Variants in NIPSNAP1 observed in about 807,000 individuals in gnomAD.
NIPSNAP1 encodes the protein nipsnap homolog 1, also known as protein NipSnap homolog 1.
A neutral mutation model predicts 49.2 loss-of-function variants in NIPSNAP1; 25 were observed. The ratio of observed to expected loss-of-function variants is 0.51; its 90% CI spans 0.37 to 0.71. NIPSNAP1 has a LOEUF of 0.71. Among genes scored for constraint, NIPSNAP1 ranks in the 30% least tolerant of loss-of-function variants. The pLI, the probability that NIPSNAP1 is intolerant of heterozygous loss-of-function variation, is 0.00. For missense variants in NIPSNAP1, 294 were observed against 361.0 expected (o/e 0.81, Z 1.50); for synonymous variants, 143 against 140.7 (o/e 1.02, Z -0.12).
At chr22:29,556,818 C>T (rs1042803815) in intron 9 of NIPSNAP1, among the ~76,000 whole-genome samples, 9 of 151,868 alleles carry the variant, frequency 5.9e-5, no homozygotes, top group Non-Finnish European at 1.2e-4. Flanking sequence ...GGCACTATCT[C>T]GGCTCACTGC....
rs532149219 is a variant in NIPSNAP1 at position 29,577,456 on chromosome 22, G to T, written c.98+3529C>A. ...TTTCTTGAGACGAAGTCTCGCTCTT[G>T]TTCCCCAGGCTGGAGTGCAATGGTA... On this transcript the variant is annotated intron_variant, in intron 1 of 9. Coordinates refer to ENST00000216121, the MANE Select transcript of NIPSNAP1 (RefSeq NM_003634.4). Among the ~76,000 whole-genome samples, 6 of 149,102 alleles carry T rather than the reference G, an allele frequency of 4.0e-5. No individual in the cohort carries two copies. In the South Asian group the frequency reaches 1.3e-3, roughly 31 times the overall value.
intron 1 of NIPSNAP1, among the ~76,000 whole-genome samples, chr22:29,574,289 A>AAAAAAAAAAAGAAAGAAAAAG (rs2064434492): frequency 1.0e-4 from 13 of 125,316 alleles, no homozygotes; most frequent in African/African-American, 4.3e-4. Context: ...AAAAAAAAAA[A>AAAAAAAAAAAGAAAGAAAAAG]AAAGAAAGAA....
chr22:29,579,912 T>C, intron 1 of NIPSNAP1: 1 of 384,562 alleles, frequency 2.6e-6, no homozygotes, highest in Non-Finnish European at 5.0e-6. Flanking sequence ...CCCTAATTAT[T>C]GGGCAGTCTA....
Position 29,577,153 on chromosome 22 carries a change from A to G in NIPSNAP1, c.98+3832T>C, listed in dbSNP as rs191647261. Among the ~76,000 whole-genome samples the G allele has an allele frequency of 1.2e-3, 174 of 151,008 alleles. 6 individuals carry two copies. The highest frequency in any genetic ancestry group is 4.1e-3 in the African/African-American group (166 of 40,472). The stretch of plus-strand genomic sequence containing the variant: ...ACCCAGGCTGGAGTGCAGTGACACA[A>G]TCATGGCTCACTGCATCCTCTATCT... On this transcript the variant is annotated intron_variant, in intron 1 of 9. Transcript: ENST00000216121.
At chr22:29,569,631 G>A (rs1357318183) in intron 3 of NIPSNAP1, among the ~76,000 whole-genome samples, 3 of 150,864 alleles carry the variant, frequency 2.0e-5, no homozygotes, top group African/African-American at 4.9e-5. Context: ...GAGTGCAATG[G>A]CGCAATCTCG....
rs370099359 is a variant in NIPSNAP1, at chr22:29,558,850, C to T, written c.790+20G>A. 4 of 1,585,264 alleles carry T rather than the reference C, an allele frequency of 2.5e-6. No individual in the cohort carries two copies. In the African/African-American group the frequency reaches 4.0e-5, roughly 16 times the overall value. On this transcript the variant is annotated intron_variant, in intron 9 of 9. Coordinates refer to ENST00000216121, the MANE Select transcript of NIPSNAP1 (RefSeq NM_003634.4). ...CTCAGACAGGGTTCTCAGCAGAAGA[C>T]CTCCAAAGGCTTCACTCACCTGTAT...
At position 29,569,197 on chromosome 22, in the gene NIPSNAP1, C is replaced by T. The variant is rs980171051; in HGVS notation, c.363G>A (p.Gln121=). The change falls in exon 4 of 10, where the codon CAG becomes CAA. Residue 121 remains glutamine (Q), a synonymous_variant. Coordinates refer to ENST00000216121, the MANE Select transcript of NIPSNAP1 (RefSeq NM_003634.4). ...CTAGGGAGGTGAGCGCCTTACCTGC[C>T]TGGTCCTGCTCCCCATACCACGTGT... ...NWNTWYGEQD[Q]AVHLWRFSGG... 5.6e-6 allele frequency: 9 copies of T among 1,613,810 alleles called. No homozygotes were observed. The highest frequency in any genetic ancestry group is 2.2e-5 in the South Asian group (2 of 91,060).
chr22:29,579,765 T>C (rs2064483768), intron 1 of NIPSNAP1: 1 of 274,590 alleles, frequency 3.6e-6, no homozygotes, highest in Non-Finnish European at 7.5e-6. Context: ...CCCTATGAGA[T>C]ACATCCTGAT....
intron 4 of NIPSNAP1, 45 bp from the exon 5 acceptor site, chr22:29,561,907 C>T: frequency 6.3e-7 from 1 of 1,594,756 alleles, no homozygotes; most frequent in South Asian, 1.1e-5. Flanking sequence ...CTGGGACCCC[C>T]AGCAGATGAC....
chr22:29,568,347 G>T (rs2064382435), intron 4 of NIPSNAP1, among the ~76,000 whole-genome samples: 1 of 151,082 alleles, frequency 6.6e-6, no homozygotes, highest in African/African-American at 2.4e-5. Context: ...GCCAGGCCTG[G>T]TGGCACAGGC....
At position 29,570,079 on chromosome 22, in the gene NIPSNAP1, G is replaced by A. The variant is rs114808837; in HGVS notation, c.272+83C>T. On this transcript the variant is annotated intron_variant, in intron 3 of 9. Transcript: ENST00000216121. ...TCCTGGATTTCTACAGAAAAGAACA[G>A]GGTGGAGGATGTTCCGCAAATTTGC... 2,907 of 1,045,990 alleles carry A rather than the reference G, an allele frequency of 2.8e-3. 49 individuals carry two copies. In the African/African-American group the frequency reaches 0.039, roughly 14 times the overall value. The allele number at this position is 1,045,990 out of a possible 1,614,324, so 64.8% of individuals were successfully genotyped here.
chr22:29,569,421 A>C (rs1408476593), intron 3 of NIPSNAP1, 134 bp from the exon 4 acceptor site: 2 of 720,008 alleles, frequency 2.8e-6, no homozygotes, highest in Non-Finnish European at 5.0e-6. Context: ...GAAGCTAGGC[A>C]AGAGGCCCTC....
intron 4 of NIPSNAP1, among the ~76,000 whole-genome samples, chr22:29,568,891 TA>T: frequency 6.6e-6 from 1 of 152,258 alleles, no homozygotes; most frequent in Non-Finnish European, 1.5e-5. Context: ...AGTCTGGAAC[TA>T]AAGAGTGAAA....
intron 1 of NIPSNAP1, among the ~76,000 whole-genome samples, chr22:29,574,451 C>T (rs1044286780): frequency 1.3e-5 from 2 of 151,880 alleles, no homozygotes; most frequent in Admixed American, 6.6e-5. Context: ...TGAACTCTCT[C>T]GATCATTGTA....
At chr22:29,571,914 T>A (rs1380758604) in intron 1 of NIPSNAP1, among the ~76,000 whole-genome samples, 1 of 152,022 alleles carries the variant, frequency 6.6e-6, no homozygotes, top group Non-Finnish European at 1.5e-5. Flanking sequence ...TAGCTGAGAT[T>A]ACAGGCGCGT....
chr22:29,564,472 G>A (rs1284333493), intron 4 of NIPSNAP1: 2 of 462,606 alleles, frequency 4.3e-6, no homozygotes, highest in Non-Finnish European at 8.9e-6. Context: ...GGAGTGCGGT[G>A]GCGTGATCTC....
intron 3 of NIPSNAP1, 41 bp from the exon 4 acceptor site, chr22:29,569,328 AC>A (rs2064390116): frequency 1.4e-6 from 2 of 1,470,144 alleles, no homozygotes; most frequent in African/African-American, 2.8e-5. Context: ...TCACATAGCC[AC>A]CAGGGCCTCT....
chr22:29,573,057 A>G (rs1392304930), intron 1 of NIPSNAP1, among the ~76,000 whole-genome samples: 1 of 152,028 alleles, frequency 6.6e-6, no homozygotes, highest in African/African-American at 2.4e-5. Flanking sequence ...TTTGTATTTG[A>G]GATGGAGTCT....
Position 29,555,910 on chromosome 22 carries a change from G to A in NIPSNAP1, c.*25C>T. 3 of 1,549,950 alleles carry A rather than the reference G, an allele frequency of 1.9e-6. No homozygotes were observed. The highest frequency in any genetic ancestry group is 2.6e-6 in the Non-Finnish European group (3 of 1,145,278). On this transcript the variant is annotated 3_prime_UTR_variant, in exon 10 of 10. Coordinates refer to ENST00000216121, the MANE Select transcript of NIPSNAP1 (RefSeq NM_003634.4). ...GTCGGGGTTGCCTGAGGGAGAAGGG[G>A]AAGGAGGTGGAGGTGTAGGCAGCAT...
Sources: gnomAD v4.1 joint callset for allele counts (sites outside exome capture counted in the v4.1 genomes callset) on GRCh38, gnomAD v4.1.1 for gene constraint, MANE v1.5 for transcripts, NCBI Gene and HGNC (gene_info 2026-07-23, HGNC 2026-07-21) for gene names.